The following CCDC180 variants were observed in gnomAD, a reference collection of about 807,000 sequenced individuals.
CCDC180 encodes the protein coiled-coil domain-containing protein 180.
In CCDC180, 154 loss-of-function variants were observed where a neutral mutation model predicts 209.2. The ratio of observed to expected loss-of-function variants is 0.74; its 90% CI spans 0.65 to 0.84. CCDC180 has a LOEUF of 0.84. Ranked by LOEUF, CCDC180 falls within the 40% of genes least tolerant of loss-of-function variation. The pLI, the probability that CCDC180 is intolerant of heterozygous loss-of-function variation, is 0.00. For synonymous variants in CCDC180, 778 were observed against 749.1 expected (o/e 1.04, Z -0.63); for missense variants, 1,874 against 1,997.3 (o/e 0.94, Z 1.18).
rs190992213 is a variant in CCDC180, at chr9:97,337,709, T to C, written c.2275-5631T>C. On this transcript the variant is annotated intron_variant, in intron 18 of 36. Coordinates refer to ENST00000529487, the MANE Select transcript of CCDC180 (RefSeq NM_020893.6). ...TGTTAGGGAGGATTCCCTCCTTTTC[T>C]ATTGATTGGAATAGTTTCAGAAGGA... Among the ~76,000 whole-genome samples the C allele has an allele frequency of 4.6e-5, 7 of 152,332 alleles. No individual in the cohort carries two copies. The East Asian group carries it at 1.3e-3, about 29-fold the overall frequency.
chr9:97,375,673 C>T (rs1199264805), intron 36 of CCDC180, 84 bp downstream of exon 36: 1 of 1,566,250 alleles, frequency 6.4e-7, no homozygotes, highest in Non-Finnish European at 8.7e-7. Flanking sequence ...CATCACCCGG[C>T]ACCCAACATT....
intron 9 of CCDC180, among the ~76,000 whole-genome samples, chr9:97,317,767 G>C (rs1833226730): frequency 6.6e-6 from 1 of 152,076 alleles, no homozygotes; most frequent in African/African-American, 2.4e-5. Context: ...GTGTACCAAG[G>C]CCTACCTCCA....
chr9:97,320,105 T>G, intron 10 of CCDC180, 21 bp from the exon 11 acceptor site: 1 of 1,607,658 alleles, frequency 6.2e-7, no homozygotes, highest in Non-Finnish European at 8.5e-7. Flanking sequence ...TGTGGCTTAC[T>G]TGCTGTATCT....
intron 24 of CCDC180, 128 bp from the exon 25 acceptor site, chr9:97,357,499 G>A: frequency 1.4e-6 from 1 of 702,364 alleles, no homozygotes; most frequent in Non-Finnish European, 2.5e-6. Context: ...TGGTAAAACT[G>A]CATATTTTTC....
intron 25 of CCDC180, among the ~76,000 whole-genome samples, chr9:97,359,005 T>C (rs1331248244): frequency 6.6e-6 from 1 of 152,242 alleles, no homozygotes; most frequent in African/African-American, 2.4e-5. Flanking sequence ...TCCCTCTCAC[T>C]ATTCTCATTT....
chr9:97,319,365 A>G (rs1833283016), intron 10 of CCDC180, among the ~76,000 whole-genome samples: 1 of 152,180 alleles, frequency 6.6e-6, no homozygotes, highest in Non-Finnish European at 1.5e-5. Flanking sequence ...TCAGGGGTAC[A>G]TGTGCAGGTT....
At chr9:97,344,000 C>A (rs1280571776) in intron 19 of CCDC180, among the ~76,000 whole-genome samples, 1 of 152,162 alleles carries the variant, frequency 6.6e-6, no homozygotes, top group Non-Finnish European at 1.5e-5. Flanking sequence ...ACTGTTCACT[C>A]ATAGAGTATA....
intron 18 of CCDC180, among the ~76,000 whole-genome samples, chr9:97,334,984 T>C (rs769690187): frequency 6.6e-5 from 10 of 152,232 alleles, no homozygotes; most frequent in Non-Finnish European, 1.2e-4. Context: ...TGTCTAGTAC[T>C]GTTCTGGATA....
At position 97,312,172 on chromosome 9, in the gene CCDC180, G is replaced by A. The variant is rs749200402; in HGVS notation, c.320G>A (p.Arg107Gln). The change falls in exon 4 of 37, where the codon CGA (arginine) becomes CAA (glutamine). Residue 107 changes from arginine to glutamine, a missense_variant. By Grantham distance (43) the Arg-to-Gln change is conservative. Transcript: ENST00000529487. ...ARESENTIAA[R>Q]EVRGLMDTIV... ...GAGAGTGAGAACACCATCGCTGCCC[G>A]AGAAGTGCGGGGTCTCATGGATACT... is the stretch of plus-strand genomic sequence containing the variant. 2.0e-5 allele frequency: 33 copies of A among 1,613,958 alleles called. No homozygotes were observed. The East Asian group carries it at 2.7e-4, about 13-fold the overall frequency.
At position 97,318,504 on chromosome 9, in the gene CCDC180, T is replaced by C. The variant is rs760142323; in HGVS notation, c.1001T>C (p.Val334Ala). The change falls in exon 10 of 37, where the codon GTG (valine) becomes GCG (alanine). Residue 334 changes from valine (V) to alanine (A), a missense_variant. Physicochemically the swap from Val to Ala is moderately conservative, Grantham distance 64 (BLOSUM62 0). Transcript: ENST00000529487. ...ASESIHTPPA[V>A]TKELEVMLKT... ...GAGAGTATCCATACTCCCCCGGCTGTGACGAAGGAGCTAGAGGTCATGCTG... is the reference window on the plus strand; with the variant it reads ...GAGAGTATCCATACTCCCCCGGCTGCGACGAAGGAGCTAGAGGTCATGCTG... 6.2e-7 allele frequency: 1 copy of C among 1,613,808 alleles called. No individual in the cohort carries two copies. Among genetic ancestry groups the C allele is most frequent in the Non-Finnish European group, 8.5e-7 (1 of 1,179,932 alleles).
At chr9:97,328,410 T>C (rs1833605983) in intron 16 of CCDC180, among the ~76,000 whole-genome samples, 1 of 152,128 alleles carries the variant, frequency 6.6e-6, no homozygotes, top group African/African-American at 2.4e-5. Context: ...TGGAATTCCA[T>C]TTATCATACC....
chr9:97,345,568 T>C (rs1344559841), intron 19 of CCDC180: 1 of 422,624 alleles, frequency 2.4e-6, no homozygotes, highest in South Asian at 1.7e-5. Context: ...TCTGTCTTTT[T>C]TTTATTAATT....
Position 97,323,960 on chromosome 9 carries a change from G to A in CCDC180, c.1371+57G>A, listed in dbSNP as rs765368884. On this transcript the variant is annotated intron_variant, in intron 13 of 36. Coordinates refer to ENST00000529487, the MANE Select transcript of CCDC180 (RefSeq NM_020893.6). The stretch of plus-strand genomic sequence containing the variant: ...TGAGGTGGGGTTGGGGGTCCCCGGG[G>A]TTGCTGGGCTGTAGGGAGAGTCCAA... 770 of 1,539,534 alleles carry A rather than the reference G, an allele frequency of 5.0e-4. 1 individual carries two copies. Among genetic ancestry groups the A allele is most frequent in the South Asian group, 9.1e-4 (75 of 82,702 alleles).
intron 8 of CCDC180, 85 bp downstream of exon 8, chr9:97,315,031 T>C: frequency 1.0e-6 from 1 of 995,486 alleles, no homozygotes. Context: ...TGGTGTCTGG[T>C]GTCTCAGGAA....
intron 18 of CCDC180, among the ~76,000 whole-genome samples, chr9:97,332,387 T>C (rs184420268): frequency 2.7e-4 from 41 of 152,308 alleles, no homozygotes; most frequent in African/African-American, 9.6e-4. Context: ...TTTAAAATAG[T>C]TTTTCTGATT....
In CCDC180 at chr9:97,344,161, G is replaced by A. The variant is rs74468132; in HGVS notation, c.2498+598G>A. On this transcript the variant is annotated intron_variant, in intron 19 of 36. Transcript: ENST00000529487. Reference sequence around the variant, plus strand: ...AACTCCCAAGTTTCTGGGCCTTTGTGTTTGAGTTTGGATCAAATGTGGACA... The same window carrying A: ...AACTCCCAAGTTTCTGGGCCTTTGTATTTGAGTTTGGATCAAATGTGGACA... Among the ~76,000 whole-genome samples, 1,044 of 152,272 alleles carry A rather than the reference G, an allele frequency of 6.9e-3. 8 individuals carry two copies. Among genetic ancestry groups the A allele is most frequent in the African/African-American group, 0.023 (966 of 41,566 alleles).
chr9:97,309,753 G>A, intron 3 of CCDC180, 149 bp downstream of exon 3: 1 of 599,298 alleles, frequency 1.7e-6, no homozygotes, highest in Non-Finnish European at 2.7e-6. Flanking sequence ...CTACCTTGCA[G>A]GATGGTTTGC....
At chr9:97,318,303 T>C (rs975760841) in intron 9 of CCDC180, among the ~76,000 whole-genome samples, 160 bp from the exon 10 acceptor site, 5 of 151,774 alleles carry the variant, frequency 3.3e-5, no homozygotes, top group Non-Finnish European at 7.4e-5. Flanking sequence ...TTCTTTAGGG[T>C]CCTAGAGAAG....
intron 28 of CCDC180, chr9:97,363,530 A>G (rs1468551650): frequency 3.9e-6 from 2 of 515,908 alleles, no homozygotes; most frequent in Non-Finnish European, 8.1e-6. Flanking sequence ...CCATGTCACT[A>G]GGGCTGCCAG....
Sources: allele counts gnomAD v4.1 joint callset (sites outside exome capture counted in the v4.1 genomes callset), GRCh38; gene constraint gnomAD v4.1.1; transcripts MANE v1.5; gene names NCBI Gene and HGNC (gene_info 2026-07-23, HGNC 2026-07-21).